Variants in AOAH observed in about 807,000 individuals in gnomAD.
AOAH encodes the protein acyloxyacyl hydrolase, also known as acyloxyacyl hydrolase (neutrophil).
A neutral mutation model predicts 92.2 loss-of-function variants in AOAH; 64 were observed. The observed-to-expected ratio is 0.69, with a 90% CI of 0.57 to 0.86. AOAH has a LOEUF of 0.86. AOAH is among the 40% of genes least tolerant of loss of function. The probability of loss-of-function intolerance (pLI) is 0.00; values close to 1 mark genes in which losing one functional copy is unlikely to be tolerated. For synonymous variants in AOAH, 263 were observed against 254.5 expected, an observed-to-expected ratio of 1.03 and a Z score of -0.32; for missense variants, 656 against 694.6, an observed-to-expected ratio of 0.94 and a Z score of 0.62.
intron 6 of AOAH, 53 bp downstream of exon 6, chr7:36,631,983 G>A (rs1793141328): frequency 5.7e-6 from 8 of 1,410,990 alleles, no homozygotes; most frequent in Non-Finnish European, 7.9e-6. Context: ...AGGGGGACAA[G>A]CAAAGACGTT....
intron 2 of AOAH, among the ~76,000 whole-genome samples, chr7:36,678,598 T>A (rs542828280): frequency 7.8e-6 from 1 of 127,402 alleles, no homozygotes; most frequent in African/African-American, 2.8e-5. Context: ...TGTGTGTGTG[T>A]GTGCGCGCGC....
chr7:36,701,270 A>C (rs1798015272), intron 1 of AOAH, among the ~76,000 whole-genome samples: 1 of 151,848 alleles, frequency 6.6e-6, no homozygotes, highest in African/African-American at 2.4e-5. Flanking sequence ...CATTGAATGG[A>C]GTGTTCTGTA....
intron 4 of AOAH, among the ~76,000 whole-genome samples, chr7:36,655,989 G>A (rs1251131360): frequency 5.3e-5 from 8 of 152,158 alleles, no homozygotes; most frequent in Non-Finnish European, 7.4e-5. Context: ...AGCCATGAAC[G>A]ATGGGGAGGA....
At chr7:36,551,264 G>A (rs1786228520) in intron 13 of AOAH, among the ~76,000 whole-genome samples, 1 of 151,802 alleles carries the variant, frequency 6.6e-6, no homozygotes, top group African/African-American at 2.4e-5. Flanking sequence ...AGTAGAGATG[G>A]GGTTTCACCA....
intron 6 of AOAH, among the ~76,000 whole-genome samples, chr7:36,627,562 A>C (rs2116171422): frequency 6.6e-6 from 1 of 152,170 alleles, no homozygotes; most frequent in Admixed American, 6.5e-5. Flanking sequence ...AAAACAAAAC[A>C]AAACACATGA....
intron 12 of AOAH, among the ~76,000 whole-genome samples, chr7:36,581,708 G>A (rs974937621): frequency 1.3e-5 from 2 of 152,096 alleles, no homozygotes; most frequent in Non-Finnish European, 2.9e-5. Flanking sequence ...AATAGTGTAG[G>A]TATTAATATT....
At chr7:36,652,125 G>C (rs1026226206) in intron 4 of AOAH, among the ~76,000 whole-genome samples, 3 of 152,004 alleles carry the variant, frequency 2.0e-5, no homozygotes, top group Non-Finnish European at 4.4e-5. Flanking sequence ...CAAGGACAGG[G>C]GCAGAAGAAT....
intron 13 of AOAH, among the ~76,000 whole-genome samples, chr7:36,560,697 T>C (rs367772519): frequency 1.7e-4 from 26 of 152,338 alleles, no homozygotes; most frequent in African/African-American, 5.8e-4. Flanking sequence ...GTTTGACTTC[T>C]TCTTTTCTTA....
At chr7:36,671,208 G>T (rs956599108) in intron 3 of AOAH, among the ~76,000 whole-genome samples, 1 of 152,070 alleles carries the variant, frequency 6.6e-6, no homozygotes. Flanking sequence ...TGGCTCATCT[G>T]TAATCATACT....
rs1783688278 is a variant in AOAH, at chr7:36,516,182, A to G, written c.1600-2802T>C. Among the ~76,000 whole-genome samples, 1 of 147,902 alleles carries G rather than the reference A, an allele frequency of 6.8e-6. No individual in the cohort carries two copies. Among genetic ancestry groups the G allele is most frequent in the African/African-American group, 2.5e-5 (1 of 39,974 alleles). ...ACACACCACACACCCCATACCACACATACATACATCTCTCTTATATACACA... is the reference window on the plus strand; with the variant it reads ...ACACACCACACACCCCATACCACACGTACATACATCTCTCTTATATACACA... On this transcript the variant is annotated intron_variant, in intron 20 of 20. Transcript: ENST00000617537. The surrounding 1 kb of genome is among the most constrained non-coding windows in gnomAD (Gnocchi z 5.0).
chr7:36,550,710 T>C (rs760166687), intron 13 of AOAH, among the ~76,000 whole-genome samples: 5 of 152,164 alleles, frequency 3.3e-5, no homozygotes, highest in African/African-American at 9.7e-5. Flanking sequence ...GATTGTCAGG[T>C]GGGTGGTGCA....
At chr7:36,626,178 C>G (rs1391340500) in intron 6 of AOAH, among the ~76,000 whole-genome samples, 3 of 150,464 alleles carry the variant, frequency 2.0e-5, no homozygotes, top group East Asian at 3.9e-4. Flanking sequence ...GACAGATCAA[C>G]AGAGAGAGAG....
intron 13 of AOAH, among the ~76,000 whole-genome samples, chr7:36,559,633 C>A (rs1489965324): frequency 6.6e-6 from 1 of 152,030 alleles, no homozygotes; most frequent in African/African-American, 2.4e-5. Context: ...AAATTCCTTA[C>A]AGATTCTGGA....
chr7:36,572,290 A>G (rs994396600), intron 13 of AOAH, among the ~76,000 whole-genome samples: 1 of 152,152 alleles, frequency 6.6e-6, no homozygotes, highest in Non-Finnish European at 1.5e-5. Flanking sequence ...CTTGAGCCCA[A>G]GAATTCAAGA....
intron 1 of AOAH, among the ~76,000 whole-genome samples, chr7:36,706,379 A>G (rs1798411439): frequency 6.6e-6 from 1 of 152,172 alleles, no homozygotes; most frequent in South Asian, 2.1e-4. Context: ...TGAGCTCAAA[A>G]TATACAGTAA....
chr7:36,687,184 T>C lies in AOAH; in HGVS notation c.128-390A>G, dbSNP rs796197278. ...CTAGGATTAACTCCTGACTTAGTAA[T>C]CTTGAACTCACCATGTGGCCTTTCT... On this transcript the variant is annotated intron_variant, in intron 1 of 20. Coordinates refer to ENST00000617537, the MANE Select transcript of AOAH (RefSeq NM_001637.4). Among the ~76,000 whole-genome samples the C allele has an allele frequency of 1.1e-4, 16 of 152,272 alleles. 1 individual carries two copies. The highest frequency in any genetic ancestry group is 4.1e-4 in the South Asian group (2 of 4,824).
chr7:36,521,611 C>T (rs1283923765), intron 20 of AOAH, among the ~76,000 whole-genome samples: 2 of 152,108 alleles, frequency 1.3e-5, no homozygotes, highest in Non-Finnish European at 2.9e-5. Flanking sequence ...CTAGAAAGAC[C>T]ATAGAATAAA....
chr7:36,616,729 T>C (rs1271145727), intron 10 of AOAH, among the ~76,000 whole-genome samples: 2 of 152,202 alleles, frequency 1.3e-5, no homozygotes, highest in Non-Finnish European at 2.9e-5. Context: ...ATAAAACATC[T>C]TGAGTGAATG....
At chr7:36,634,370 C>T (rs188555359) in intron 5 of AOAH, among the ~76,000 whole-genome samples, 1 of 152,264 alleles carries the variant, frequency 6.6e-6, no homozygotes, top group Admixed American at 6.5e-5. Flanking sequence ...TATAGAAAAA[C>T]ACTGTGAAAA....
Sources: gnomAD v4.1 joint callset for allele counts (sites outside exome capture counted in the v4.1 genomes callset) on GRCh38, gnomAD v4.1.1 for gene constraint, Gnocchi (gnomAD v3.1) non-coding constraint, MANE v1.5 for transcripts, NCBI Gene and HGNC (gene_info 2026-07-23, HGNC 2026-07-21) for gene names.